MAP4: variants seen among roughly 807,000 people sequenced by gnomAD.
MAP4 encodes microtubule-associated protein 4.
In MAP4, 76 loss-of-function variants were observed where a neutral mutation model predicts 170.2. The ratio of observed to expected loss-of-function variants is 0.45; its 90% confidence interval spans 0.37 to 0.54. The LOEUF is 0.54. Ranked by LOEUF, MAP4 falls within the 20% of genes least tolerant of loss-of-function variation. The probability of loss-of-function intolerance (pLI) is 0.00; values close to 1 mark genes in which losing one functional copy is unlikely to be tolerated. For missense variants in MAP4, 2,506 were observed against 2,748.0 expected (o/e 0.91, Z 1.97); for synonymous variants, 909 against 994.5 (o/e 0.91, Z 1.62).
intron 3 of MAP4, among the ~76,000 whole-genome samples, chr3:47,956,627 G>A (rs2100067986): frequency 6.6e-6 from 1 of 152,342 alleles, no homozygotes; most frequent in South Asian, 2.1e-4. Context: ...GGAAAGATAT[G>A]CAGATGAAAC....
intron 10 of MAP4, among the ~76,000 whole-genome samples, chr3:47,896,051 C>T (rs1255651029): frequency 1.3e-5 from 2 of 151,976 alleles, no homozygotes; most frequent in East Asian, 1.9e-4. Flanking sequence ...ATAGAAGGGG[C>T]GAGTACCCAA....
chr3:47,911,353 T>C lies in MAP4; in HGVS notation c.3068A>G (p.Asn1023Ser), dbSNP rs17079818. 7.1e-3 allele frequency: 10,835 copies of C among 1,536,014 alleles called. 701 individuals are homozygous for C. The African/African-American group carries it at 0.13, about 19-fold the overall frequency. ...AAAGATGCTGATCTCTTGTCTTTCGTTGGGAAAAGCTTCCTTTTTTAGTTC... is the reference window on the plus strand; with the variant it reads ...AAAGATGCTGATCTCTTGTCTTTCGCTGGGAAAAGCTTCCTTTTTTAGTTC... ...DKELKKEAFP[N>S]ERQEISIFTS... The change falls in exon 9 of 21, where the codon AAC becomes AGC. Residue 1023 changes from asparagine (N) to serine (S), a missense_variant. This residue lies in a region of MAP4 where 2,008 missense variants were observed against 2,206.0 expected (regional missense o/e 0.91). Transcript: ENST00000683076. This position sits in a 1 kb window ranked among gnomAD's most constrained non-coding sequence, Gnocchi z 4.0.
chr3:48,072,667 A>T (rs1434424780), intron 1 of MAP4, among the ~76,000 whole-genome samples: 1 of 152,192 alleles, frequency 6.6e-6, no homozygotes, highest in Non-Finnish European at 1.5e-5. Context: ...AATTAGGGGC[A>T]AAAGGTATAG....
intron 15 of MAP4, among the ~76,000 whole-genome samples, chr3:47,870,019 A>G (rs1259482343): frequency 6.6e-6 from 1 of 152,054 alleles, no homozygotes; most frequent in Non-Finnish European, 1.5e-5. Flanking sequence ...TCCCTCCTGA[A>G]TTTCTTAACA....
intron 10 of MAP4, chr3:47,892,024 C>G (rs909633502): frequency 1.4e-5 from 22 of 1,536,138 alleles, no homozygotes; most frequent in Non-Finnish European, 1.9e-5. Context: ...GGCTCTTGGT[C>G]TCTAGTCCAT....
intron 9 of MAP4, among the ~76,000 whole-genome samples, chr3:47,908,044 T>TTTA (rs2100034051): frequency 7.1e-6 from 1 of 141,132 alleles, no homozygotes; most frequent in South Asian, 2.4e-4. Flanking sequence ...TAAAACCAAT[T>TTTA]GGTGTTTTTT....
intron 2 of MAP4, among the ~76,000 whole-genome samples, chr3:47,981,628 G>A (rs1247044842): frequency 6.6e-6 from 1 of 151,904 alleles, no homozygotes; most frequent in Non-Finnish European, 1.5e-5. Context: ...AAATTAGCCA[G>A]GCATAGTGGC....
intron 1 of MAP4, among the ~76,000 whole-genome samples, chr3:48,028,686 T>A (rs1049530253): frequency 6.7e-6 from 1 of 150,002 alleles, no homozygotes; most frequent in African/African-American, 2.5e-5. Flanking sequence ...GGCAGAGAAC[T>A]GCTTGAACCC....
intron 1 of MAP4, among the ~76,000 whole-genome samples, chr3:48,027,555 A>G (rs2154500688): frequency 6.6e-6 from 1 of 152,312 alleles, no homozygotes; most frequent in Admixed American, 6.5e-5. Context: ...AGCTTTTTTA[A>G]AAAACAGGGC....
chr3:47,963,104 G>A (rs1399967003), intron 3 of MAP4, among the ~76,000 whole-genome samples: 3 of 152,192 alleles, frequency 2.0e-5, no homozygotes, highest in Non-Finnish European at 4.4e-5. Flanking sequence ...CACTTTTGAA[G>A]TTTCACCTCC....
intron 3 of MAP4, among the ~76,000 whole-genome samples, chr3:47,952,689 A>G (rs2100065212): frequency 6.6e-6 from 1 of 151,658 alleles, no homozygotes; most frequent in Non-Finnish European, 1.5e-5. Context: ...AATAAAAATA[A>G]AAAATTGGTC....
chr3:47,863,780 G>T (rs552919934), intron 17 of MAP4, among the ~76,000 whole-genome samples: 1 of 151,738 alleles, frequency 6.6e-6, no homozygotes, highest in Non-Finnish European at 1.5e-5. Context: ...CCTCCCCTCC[G>T]CTGGTGTCCT....
intron 1 of MAP4, among the ~76,000 whole-genome samples, chr3:48,075,043 T>G (rs1179043577): frequency 2.0e-5 from 3 of 152,034 alleles, no homozygotes; most frequent in Non-Finnish European, 4.4e-5. Context: ...GGATCCAGAA[T>G]AGCCAAAACA....
intron 1 of MAP4, among the ~76,000 whole-genome samples, chr3:48,061,875 G>A (rs1392339761): frequency 2.7e-5 from 4 of 149,306 alleles, no homozygotes; most frequent in South Asian, 2.1e-4. Flanking sequence ...ACCCCGTCCG[G>A]GAGGTGGGGG....
chr3:47,944,069 T>TG (rs1279306860), intron 3 of MAP4, among the ~76,000 whole-genome samples: 1 of 151,914 alleles, frequency 6.6e-6, no homozygotes, highest in African/African-American at 2.4e-5. Flanking sequence ...CTCAGCACTT[T>TG]GGGAGGCTGA....
intron 1 of MAP4, among the ~76,000 whole-genome samples, chr3:48,074,676 T>TGTGTGTGTGTG (rs2100142818): frequency 1.1e-5 from 1 of 90,640 alleles, no homozygotes; most frequent in African/African-American, 4.9e-5. Flanking sequence ...ATCCAGCTAA[T>TGTGTGTGTGTG]TGTGTGTGTG....
rs200146844 is a variant in MAP4 at position 47,975,481 on chromosome 3, T to C, written c.292+2384A>G. The stretch of plus-strand genomic sequence containing the variant: ...CGCTAGGCTTCTAGGAGGAGAAAAA[T>C]AGAGAGGGAGGAAGAAGTAGGAAGG... On this transcript the variant is annotated intron_variant, in intron 3 of 20. Coordinates refer to ENST00000683076, the MANE Select transcript of MAP4 (RefSeq NM_001385682.1). The C allele has an allele frequency of 7.6e-5, 118 of 1,547,112 alleles. 1 individual carries two copies. The highest frequency in any genetic ancestry group is 1.0e-4 in the Non-Finnish European group (114 of 1,138,588).
At chr3:48,015,894 T>C (rs562407341) in intron 1 of MAP4, among the ~76,000 whole-genome samples, 6 of 152,318 alleles carry the variant, frequency 3.9e-5, no homozygotes, top group African/African-American at 1.2e-4. Flanking sequence ...AACAGACAAC[T>C]GAGGAAGATC....
chr3:47,921,140 C>A (rs939256146), intron 5 of MAP4, among the ~76,000 whole-genome samples: 10 of 151,700 alleles, frequency 6.6e-5, no homozygotes, highest in Non-Finnish European at 1.5e-4. Context: ...AGAGTGAGAC[C>A]CTGTCTCAAA....
Sources: allele counts gnomAD v4.1 joint callset (sites outside exome capture counted in the v4.1 genomes callset), GRCh38; gene constraint gnomAD v4.1.1; regional missense constraint gnomAD v4.1.1; non-coding constraint Gnocchi (gnomAD v3.1); transcripts MANE v1.5; gene names NCBI Gene and HGNC (gene_info 2026-07-23, HGNC 2026-07-21).